The following CHD2 variants were observed in gnomAD, a reference collection of about 807,000 sequenced individuals.
CHD2 encodes the protein ATP-dependent chromatin remodeler CHD2.
A neutral mutation model predicts 243.9 loss-of-function variants in CHD2; 28 were observed. The ratio of observed to expected loss-of-function variants is 0.11; its 90% confidence interval spans 0.09 to 0.16. CHD2 has a LOEUF of 0.16. Ranked by LOEUF, CHD2 falls within the 10% of genes least tolerant of loss-of-function variation. The pLI is 1.00. For synonymous variants in CHD2, 775 were observed against 779.0 expected, an observed-to-expected ratio of 0.99 and a Z score of 0.09; for missense variants, 1,386 against 2,209.8, an observed-to-expected ratio of 0.63 and a Z score of 7.47.
intron 34 of CHD2, among the ~76,000 whole-genome samples, chr15:93,008,853 G>A (rs2054355359): frequency 6.6e-6 from 1 of 152,154 alleles, no homozygotes; most frequent in African/African-American, 2.4e-5. Context: ...CTTCAAAATG[G>A]GCTTGTGAGG....
chr15:92,973,413 A>G (rs2053868316), intron 19 of CHD2, among the ~76,000 whole-genome samples: 1 of 152,062 alleles, frequency 6.6e-6, no homozygotes, highest in Admixed American at 6.6e-5. Context: ...TTTGATTTTT[A>G]AGATTTATTA....
In CHD2 at chr15:92,941,697, G is replaced by T. The variant is rs138733313; in HGVS notation, c.693-125G>T. ...AGCTTTGAGCCTACTGTAAATGGCA[G>T]ATCTATAAAACAACATGCTTTTGGA... On this transcript the variant is annotated intron_variant, in intron 7 of 38. Coordinates refer to ENST00000394196, the MANE Select transcript of CHD2 (RefSeq NM_001271.4). 10,084 of 939,226 alleles carry T rather than the reference G, an allele frequency of 0.011. 115 individuals are homozygous for T. The highest frequency in any genetic ancestry group is 0.01 in the Non-Finnish European group (6,610 of 631,818). 58.2% of individuals were successfully genotyped at this position (939,226 alleles called of 1,614,324 possible). A position where few individuals can be genotyped will look rare whatever the true frequency, so the allele number is the denominator to read the frequency against.
intron 2 of CHD2, chr15:92,905,050 G>T: frequency 6.7e-7 from 1 of 1,483,512 alleles, no homozygotes; most frequent in Non-Finnish European, 9.0e-7. Flanking sequence ...ATTCACAGTG[G>T]GATAGTTTAG....
rs776072657 is a variant in CHD2 at position 93,000,512 on chromosome 15, G to A, written c.4009G>A (p.Ala1337Thr). Residue 1337 changes from alanine to threonine, a missense_variant and splice_region_variant, in exon 32 of 39, where the codon GCC becomes ACC. Physicochemically the swap from Ala to Thr is moderately conservative, Grantham distance 58 (BLOSUM62 0). Around this residue, in one of 19 missense-constraint regions of CHD2, gnomAD observed 125 missense variants for 128.9 expected, o/e 0.97. Transcript: ENST00000394196. ...ATCATCATTTTCTCTCCTTTTCCAG[G>A]CCAAATTAAAGAAGCGGAAGCCTCG... is the stretch of plus-strand genomic sequence containing the variant. ...KKGAVTGGEE[A>T]KLKKRKPRVK... is the part of the protein sequence containing the mutation. The A allele has an allele frequency of 6.2e-7, 1 of 1,604,730 alleles. No individual in the cohort carries two copies. The highest frequency in any genetic ancestry group is 1.7e-5 in the Admixed American group (1 of 57,598).
chr15:93,006,987 A>G (rs145903784), intron 34 of CHD2, among the ~76,000 whole-genome samples: 6 of 152,366 alleles, frequency 3.9e-5, no homozygotes, highest in African/African-American at 9.6e-5. Flanking sequence ...TGCTACTACA[A>G]ATAGGCTACA....
intron 16 of CHD2, among the ~76,000 whole-genome samples, chr15:92,963,522 T>C (rs986997195): frequency 3.9e-5 from 6 of 152,206 alleles, no homozygotes; most frequent in African/African-American, 9.7e-5. Context: ...TAAGGACATA[T>C]AGAAAAGAGA....
chr15:92,962,033 C>T (rs1374970257), intron 16 of CHD2, among the ~76,000 whole-genome samples: 1 of 151,834 alleles, frequency 6.6e-6, no homozygotes, highest in Non-Finnish European at 1.5e-5. Flanking sequence ...AGGCACCTGC[C>T]ACCACGCTTG....
intron 28 of CHD2, among the ~76,000 whole-genome samples, chr15:92,996,008 G>A (rs1256472972): frequency 6.6e-6 from 1 of 152,136 alleles, no homozygotes; most frequent in Non-Finnish European, 1.5e-5. Flanking sequence ...TCTATAAAGT[G>A]TCTATTCATG....
At chr15:92,979,409 A>G in intron 22 of CHD2, 126 bp downstream of exon 22, 1 of 1,150,030 alleles carries the variant, frequency 8.7e-7, no homozygotes, top group East Asian at 2.5e-5. Flanking sequence ...GGCCAGAACC[A>G]CAAATAGGAT....
At chr15:92,913,443 T>G (rs1054388183) in intron 2 of CHD2, among the ~76,000 whole-genome samples, 1 of 152,168 alleles carries the variant, frequency 6.6e-6, no homozygotes, top group African/African-American at 2.4e-5. Context: ...CTTGTCACTC[T>G]GGGGGTGGGG....
At position 92,993,068 on chromosome 15, in the gene CHD2, G is replaced by T; in HGVS notation, c.3595+70G>T. ...TGGACTGGATTTCTGTTGCTAAAGG[G>T]CGTTTTAAGGACAGGCTTGAGGACC... On this transcript the variant is annotated intron_variant, in intron 28 of 38. Transcript: ENST00000394196. 1.9e-6 allele frequency: 3 copies of T among 1,561,716 alleles called. No homozygotes were observed. In the East Asian group the frequency reaches 6.8e-5, roughly 35 times the overall value.
Position 92,940,848 on chromosome 15 carries a change from A to G in CHD2, c.693-974A>G, listed in dbSNP as rs940988250. Among the ~76,000 whole-genome samples the G allele has an allele frequency of 1.5e-3, 165 of 107,084 alleles. 1 individual carries two copies. The highest frequency in any genetic ancestry group is 1.5e-3 in the Non-Finnish European group (70 of 46,202). 70.3% of individuals were successfully genotyped at this position (107,084 alleles called of 152,430 possible). On this transcript the variant is annotated intron_variant, in intron 7 of 38. Coordinates refer to ENST00000394196, the MANE Select transcript of CHD2 (RefSeq NM_001271.4). ...ATATTATAAATATATAAAAATATAT[A>G]TAAATATATAAATATATAAAAATAT...
chr15:92,911,490 C>T (rs1046782013), intron 2 of CHD2, among the ~76,000 whole-genome samples: 28 of 152,282 alleles, frequency 1.8e-4, no homozygotes, highest in Admixed American at 1.0e-3. Flanking sequence ...GTAATCCCAG[C>T]ACTTTCGGAG....
rs181527629 is a variant in CHD2, at chr15:93,000,893, A to G, written c.4137+253A>G. On this transcript the variant is annotated intron_variant, in intron 32 of 38. Transcript: ENST00000394196. ...GTTTGTTTGTTTGTTTTTGAGATGA[A>G]GTCTCGCTCTTGTCCGCGAGGCTGG... is the stretch of plus-strand genomic sequence containing the variant. Among the ~76,000 whole-genome samples the G allele has an allele frequency of 3.0e-3, 450 of 152,330 alleles. 1 individual carries two copies. Among genetic ancestry groups the G allele is most frequent in the Middle Eastern group, 0.01 (3 of 294 alleles).
intron 33 of CHD2, 113 bp downstream of exon 33, chr15:93,002,430 T>A: frequency 6.8e-7 from 1 of 1,480,862 alleles, no homozygotes; most frequent in Non-Finnish European, 8.9e-7. Context: ...TTTATGGGTA[T>A]GTTCAAGAAG....
intron 13 of CHD2, among the ~76,000 whole-genome samples, chr15:92,951,410 A>G (rs1047224912): frequency 6.6e-6 from 1 of 152,208 alleles, no homozygotes; most frequent in East Asian, 1.9e-4. Flanking sequence ...ACCTCAAGTG[A>G]TCTGCCTGCC....
At chr15:92,980,537 G>A (rs1388141880) in intron 22 of CHD2, among the ~76,000 whole-genome samples, 7 of 152,162 alleles carry the variant, frequency 4.6e-5, no homozygotes, top group Non-Finnish European at 1.5e-5. Context: ...CCAAAGGAAA[G>A]AGCTCCATTC....
chr15:92,901,488 T>C (rs1378565724), intron 2 of CHD2, 189 bp downstream of exon 2: 7 of 604,110 alleles, frequency 1.2e-5, no homozygotes, highest in Non-Finnish European at 2.1e-5. Flanking sequence ...TAGCAATTTA[T>C]GAAAGTTGAG....
chr15:93,005,937 C>T (rs1029183181), intron 34 of CHD2, among the ~76,000 whole-genome samples: 8 of 152,140 alleles, frequency 5.3e-5, no homozygotes, highest in African/African-American at 1.9e-4. Flanking sequence ...TTACAAATGA[C>T]TCATTTAATC....
Sources: gnomAD v4.1 joint callset for allele counts (sites outside exome capture counted in the v4.1 genomes callset) on GRCh38, gnomAD v4.1.1 for gene constraint, gnomAD v4.1.1 regional missense constraint, MANE v1.5 for transcripts, NCBI Gene and HGNC (gene_info 2026-07-23, HGNC 2026-07-21) for gene names.